PPP1R9A: variants seen among roughly 807,000 people sequenced by gnomAD.
PPP1R9A encodes protein phosphatase 1 regulatory subunit 9A.
PPP1R9A carries 59 observed loss-of-function variants against 141.9 expected under a neutral mutation model. That is an observed-to-expected ratio of 0.42 (90% CI 0.34 to 0.52). The LOEUF (loss-of-function observed/expected upper bound fraction) is 0.52. Among genes scored for constraint, PPP1R9A ranks in the 20% least tolerant of loss-of-function variants. The pLI, the probability that PPP1R9A is intolerant of heterozygous loss-of-function variation, is 0.10. For missense variants in PPP1R9A, 1,444 were observed against 1,611.9 expected (o/e 0.90, Z 1.78); for synonymous variants, 500 against 569.7 (o/e 0.88, Z 1.74).
chr7:95,275,826 C>T (rs761694360), intron 16 of PPP1R9A, among the ~76,000 whole-genome samples: 3 of 151,998 alleles, frequency 2.0e-5, no homozygotes, highest in Non-Finnish European at 4.4e-5. Flanking sequence ...GCATAATGGG[C>T]GGGAGATGAG....
intron 2 of PPP1R9A, among the ~76,000 whole-genome samples, chr7:95,084,356 C>T (rs1385662612): frequency 6.6e-6 from 1 of 151,898 alleles, no homozygotes; most frequent in Non-Finnish European, 1.5e-5. Flanking sequence ...ATAGGCTAAA[C>T]GTCACTAAGA....
chr7:95,049,076 C>T (rs547433466), intron 2 of PPP1R9A, among the ~76,000 whole-genome samples: 11 of 152,062 alleles, frequency 7.2e-5, no homozygotes, highest in African/African-American at 2.7e-4. Context: ...CTGGTCAGAC[C>T]CTGGGCTATC....
chr7:95,121,746 C>T (rs553951358), intron 4 of PPP1R9A, among the ~76,000 whole-genome samples: 1 of 152,158 alleles, frequency 6.6e-6, no homozygotes, highest in South Asian at 2.1e-4. Flanking sequence ...GCAAAAGGTG[C>T]AAAGGCCAAG....
At chr7:95,125,467 T>C (rs1161941237) in intron 4 of PPP1R9A, among the ~76,000 whole-genome samples, 1 of 152,196 alleles carries the variant, frequency 6.6e-6, no homozygotes, top group African/African-American at 2.4e-5. Context: ...TTGTCATAAA[T>C]GTAATTTTTG....
At chr7:95,182,025 T>C (rs2152799807) in intron 5 of PPP1R9A, among the ~76,000 whole-genome samples, 1 of 151,712 alleles carries the variant, frequency 6.6e-6, no homozygotes, top group Non-Finnish European at 1.5e-5. Context: ...TCTGGGGACT[T>C]GGGAAGGTTG....
At chr7:95,281,577 A>G (rs1804238600) in intron 16 of PPP1R9A, among the ~76,000 whole-genome samples, 1 of 152,236 alleles carries the variant, frequency 6.6e-6, no homozygotes, top group Admixed American at 6.5e-5. Context: ...GAGTTTAATT[A>G]GATGTGACCT....
chr7:95,164,165 T>C (rs1830841508), intron 5 of PPP1R9A, among the ~76,000 whole-genome samples: 2 of 152,332 alleles, frequency 1.3e-5, no homozygotes, highest in South Asian at 4.1e-4. Flanking sequence ...ATCTTCAAAC[T>C]GGCTATACCA....
chr7:95,006,761 G>A (rs986120968), intron 2 of PPP1R9A, among the ~76,000 whole-genome samples: 1 of 152,136 alleles, frequency 6.6e-6, no homozygotes, highest in African/African-American at 2.4e-5. Flanking sequence ...GTCTCCTGGA[G>A]GTGAGACAGG....
intron 2 of PPP1R9A, among the ~76,000 whole-genome samples, chr7:95,088,918 T>C (rs1816972426): frequency 1.3e-5 from 2 of 152,018 alleles, no homozygotes; most frequent in Admixed American, 1.3e-4. Context: ...GTAGGTACAG[T>C]TTTGGAATTT....
rs181766177 is a variant in PPP1R9A at position 95,208,616 on chromosome 7, T to C, written c.1956+4886T>C. 1.1e-3 allele frequency among the ~76,000 whole-genome samples: 164 copies of C among 151,524 alleles called. 1 individual carries two copies. Among genetic ancestry groups the C allele is most frequent in the African/African-American group, 3.7e-3 (151 of 41,292 alleles). On this transcript the variant is annotated intron_variant, in intron 7 of 19. Transcript: ENST00000433360. ...GTGGGTGCCTGTAGTCCCAGCTACT[T>C]GGGAGGCTGAGGCAGGAGAATGGCA...
chr7:95,167,642 G>A (rs1831467079), intron 5 of PPP1R9A, among the ~76,000 whole-genome samples: 1 of 152,088 alleles, frequency 6.6e-6, no homozygotes. Flanking sequence ...CTTATAGCTA[G>A]AAAAATTTGA....
At chr7:94,922,210 T>C (rs1051752231) in intron 2 of PPP1R9A, among the ~76,000 whole-genome samples, 2 of 151,798 alleles carry the variant, frequency 1.3e-5, no homozygotes, top group African/African-American at 2.4e-5. Context: ...ATTGCCGGAA[T>C]TGTTATTCAG....
chr7:95,170,807 A>G (rs904044347), intron 5 of PPP1R9A, among the ~76,000 whole-genome samples: 3 of 151,628 alleles, frequency 2.0e-5, no homozygotes, highest in African/African-American at 7.2e-5. Context: ...TTATGTGGGT[A>G]AATATAGGCT....
chr7:95,160,710 T>C (rs542357071), intron 4 of PPP1R9A, among the ~76,000 whole-genome samples: 1 of 152,272 alleles, frequency 6.6e-6, no homozygotes, highest in African/African-American at 2.4e-5. Context: ...CAGTTTCTAT[T>C]GTTGCCGCCT....
At chr7:95,046,393 C>T (rs1308668130) in intron 2 of PPP1R9A, among the ~76,000 whole-genome samples, 2 of 151,884 alleles carry the variant, frequency 1.3e-5, no homozygotes, top group Admixed American at 1.3e-4. Context: ...CATACCTGGT[C>T]AAGATTAGGT....
chr7:95,155,131 GT>G (rs1829375841), intron 4 of PPP1R9A: 1 of 150,736 alleles, frequency 6.6e-6, no homozygotes, highest in African/African-American at 2.4e-5. Context: ...CCAACTTGTA[GT>G]AGACTAGCAT....
intron 5 of PPP1R9A, among the ~76,000 whole-genome samples, chr7:95,173,596 G>GC (rs1744118590): frequency 6.6e-6 from 1 of 151,930 alleles, no homozygotes; most frequent in African/African-American, 2.4e-5. Flanking sequence ...GGAAAAACAA[G>GC]CCACAGAATG....
At chr7:94,922,753 T>C (rs547444502) in intron 2 of PPP1R9A, among the ~76,000 whole-genome samples, 84 of 152,232 alleles carry the variant, frequency 5.5e-4, no homozygotes, top group Admixed American at 1.6e-3. Flanking sequence ...AATTTCTGGA[T>C]TGAGAGAACA....
intron 5 of PPP1R9A, among the ~76,000 whole-genome samples, chr7:95,184,356 G>A (rs1834317044): frequency 1.3e-5 from 2 of 151,988 alleles, no homozygotes; most frequent in Admixed American, 1.3e-4. Flanking sequence ...TATGTTTCAG[G>A]TATTAAATGT....
Sources: gnomAD v4.1 joint callset for allele counts (sites outside exome capture counted in the v4.1 genomes callset) on GRCh38, gnomAD v4.1.1 for gene constraint, MANE v1.5 for transcripts, NCBI Gene and HGNC (gene_info 2026-07-23, HGNC 2026-07-21) for gene names.